Variants in ALDH1L2 observed in about 807,000 individuals in gnomAD.
ALDH1L2 encodes aldehyde dehydrogenase 1 family member L2.
Under a neutral mutation model 111.0 loss-of-function variants are expected in ALDH1L2, and 91 were observed. The ratio of observed to expected loss-of-function variants is 0.82; its 90% confidence interval spans 0.69 to 0.98. The LOEUF (loss-of-function observed/expected upper bound fraction) is 0.98. Among genes scored for constraint, ALDH1L2 ranks in the 50% least tolerant of loss-of-function variants. The pLI is 0.00. For synonymous variants in ALDH1L2, 374 were observed against 392.6 expected (o/e 0.95, Z 0.56); for missense variants, 995 against 1,126.8 (o/e 0.88, Z 1.67).
intron 15 of ALDH1L2, among the ~76,000 whole-genome samples, chr12:105,045,392 G>A (rs1409321866): frequency 6.6e-6 from 1 of 152,036 alleles, no homozygotes; most frequent in East Asian, 1.9e-4. Flanking sequence ...GCCAGTAATT[G>A]AAACTTTATG....
chr12:105,060,347 T>C (rs1417847334), intron 9 of ALDH1L2: 1 of 152,142 alleles, frequency 6.6e-6, no homozygotes, highest in Admixed American at 6.5e-5. Flanking sequence ...TCAATTCTGA[T>C]GTCATATTGG....
intron 21 of ALDH1L2, among the ~76,000 whole-genome samples, chr12:105,027,894 G>A (rs1200261754): frequency 6.6e-6 from 1 of 152,090 alleles, no homozygotes; most frequent in African/African-American, 2.4e-5. Context: ...GGGATTACAT[G>A]TGCTTATTCA....
At chr12:105,027,083 C>G (rs1345215758) in intron 21 of ALDH1L2, among the ~76,000 whole-genome samples, 1 of 152,206 alleles carries the variant, frequency 6.6e-6, no homozygotes, top group Non-Finnish European at 1.5e-5. Context: ...CTGTGTTGCC[C>G]AGGCTGATCT....
At chr12:105,030,852 A>T (rs919923657) in intron 20 of ALDH1L2, among the ~76,000 whole-genome samples, 1 of 152,198 alleles carries the variant, frequency 6.6e-6, no homozygotes, top group African/African-American at 2.4e-5. Flanking sequence ...TTCAGAGTTT[A>T]TATTTTAATT....
intron 22 of ALDH1L2, among the ~76,000 whole-genome samples, chr12:105,026,065 T>C (rs1033058282): frequency 2.0e-5 from 3 of 152,170 alleles, no homozygotes; most frequent in African/African-American, 7.2e-5. Context: ...TTAAGTCTCA[T>C]TGCTCAGACT....
intron 15 of ALDH1L2, among the ~76,000 whole-genome samples, chr12:105,044,234 G>T (rs1592776854): frequency 6.6e-6 from 1 of 152,146 alleles, no homozygotes; most frequent in East Asian, 1.9e-4. Context: ...TGCACTCAAA[G>T]AATGTTTGTA....
chr12:105,021,540 C>T lies in ALDH1L2; in HGVS notation c.*2884G>A. 1 of 151,098 alleles carries T rather than the reference C, an allele frequency of 6.6e-6. No homozygotes were observed. The highest frequency in any genetic ancestry group is 1.5e-5 in the Non-Finnish European group (1 of 68,108). 9.4% of individuals were successfully genotyped at this position (151,098 alleles called of 1,614,324 possible). On this transcript the variant is annotated 3_prime_UTR_variant, in exon 23 of 23. Coordinates refer to ENST00000258494, the MANE Select transcript of ALDH1L2 (RefSeq NM_001034173.4). ...CAGAGGTTGCAGTGAGCCAAGATTG[C>T]ACCACTGCACTGCAGCCTGGGCAAC...
At position 105,066,629 on chromosome 12, in the gene ALDH1L2, C is replaced by T. The variant is rs753041924; in HGVS notation, c.635G>A (p.Arg212His). ...VQLIADGKAPRIPQPEEGATY... is the reference protein window; with the variant it reads ...VQLIADGKAPHIPQPEEGATY... Reference sequence around the variant, plus strand: ...TGCCCCTTCTTCTGGCTGGGGTATACGAGGAGCTTTTCCATCAGCTATGAG... The same window carrying T: ...TGCCCCTTCTTCTGGCTGGGGTATATGAGGAGCTTTTCCATCAGCTATGAG... The change falls in exon 5 of 23, where the codon CGT becomes CAT. Residue 212 changes from arginine (R) to histidine (H), a missense_variant. Arg to His is a conservative substitution (Grantham distance 29, BLOSUM62 0). Coordinates refer to ENST00000258494, the MANE Select transcript of ALDH1L2 (RefSeq NM_001034173.4). 3.5e-5 allele frequency: 57 copies of T among 1,613,994 alleles called. No homozygotes were observed. The highest frequency in any genetic ancestry group is 1.7e-4 in the Admixed American group (10 of 59,990).
At chr12:105,030,295 C>G in intron 21 of ALDH1L2, 29 bp downstream of exon 21, 1 of 1,584,018 alleles carries the variant, frequency 6.3e-7, no homozygotes, top group Non-Finnish European at 8.6e-7. Flanking sequence ...TAGTCAAAAC[C>G]TAAGTTACAT....
intron 6 of ALDH1L2, 64 bp downstream of exon 6, chr12:105,065,203 G>T: frequency 1.9e-6 from 2 of 1,072,764 alleles, no homozygotes; most frequent in South Asian, 1.2e-5. Context: ...AGATTTATCT[G>T]TAATATCTCT....
intron 1 of ALDH1L2, among the ~76,000 whole-genome samples, chr12:105,084,120 T>C (rs1222938879): frequency 6.6e-6 from 1 of 152,052 alleles, no homozygotes; most frequent in African/African-American, 2.4e-5. Context: ...CCAGCCAGAC[T>C]TGACACGTCC....
At position 105,020,342 on chromosome 12, in the gene ALDH1L2, G is replaced by T. The variant is rs1018800342; in HGVS notation, c.*4082C>A. On this transcript the variant is annotated 3_prime_UTR_variant, in exon 23 of 23. Transcript: ENST00000258494. ...TATGTGCCCACAGCTCACTACCTAG[G>T]CCCTGATTTAGGCATTAGGAATAAA... 2.0e-5 allele frequency: 3 copies of T among 152,024 alleles called. No individual in the cohort carries two copies. Among genetic ancestry groups the T allele is most frequent in the Non-Finnish European group, 4.4e-5 (3 of 68,024 alleles). 9.4% of individuals were successfully genotyped at this position (152,024 alleles called of 1,614,324 possible). A position where few individuals can be genotyped will look rare whatever the true frequency, so the allele number is the denominator to read the frequency against.
chr12:105,043,713 CTT>C (rs980822068), intron 15 of ALDH1L2, among the ~76,000 whole-genome samples: 51 of 152,300 alleles, frequency 3.3e-4, no homozygotes, highest in African/African-American at 1.2e-3. Context: ...CATCACAACT[CTT>C]TTCATTTTTA....
Position 105,026,755 on chromosome 12 carries a change from A to G in ALDH1L2, c.2517-11T>C. On this transcript the variant is annotated splice_polypyrimidine_tract_variant and intron_variant, in intron 21 of 22. Coordinates refer to ENST00000258494, the MANE Select transcript of ALDH1L2 (RefSeq NM_001034173.4). ...ACTCCATCGATGTCCCTGTGTTTTT[A>G]GGAAGACATAAAACTTCATTAAATG... is the stretch of plus-strand genomic sequence containing the variant. The G allele has an allele frequency of 6.2e-7, 1 of 1,612,832 alleles. No individual in the cohort carries two copies. The highest frequency in any genetic ancestry group is 8.5e-7 in the Non-Finnish European group (1 of 1,179,672).
intron 15 of ALDH1L2, among the ~76,000 whole-genome samples, chr12:105,046,406 C>T (rs1217818486): frequency 1.3e-5 from 2 of 150,956 alleles, no homozygotes; most frequent in African/African-American, 2.4e-5. Flanking sequence ...AAATAATTCC[C>T]TAATTGTTGG....
Position 105,050,075 on chromosome 12 carries a change from A to G in ALDH1L2, c.1536-17T>C. ...TCTGCAAGTCTGTGTGGTCAGTGAA[A>G]GAAATAAATTCAACAAGTATTGATT... On this transcript the variant is annotated splice_polypyrimidine_tract_variant and intron_variant, in intron 12 of 22. Coordinates refer to ENST00000258494, the MANE Select transcript of ALDH1L2 (RefSeq NM_001034173.4). 1 of 1,566,910 alleles carries G rather than the reference A, an allele frequency of 6.4e-7. No individual in the cohort carries two copies. The highest frequency in any genetic ancestry group is 2.3e-5 in the East Asian group (1 of 44,150).
At chr12:105,065,527 CAA>C (rs1877297199) in intron 5 of ALDH1L2, among the ~76,000 whole-genome samples, 171 bp from the exon 6 acceptor site, 1 of 152,110 alleles carries the variant, frequency 6.6e-6, no homozygotes, top group Non-Finnish European at 1.5e-5. Context: ...ATTTAGTAAA[CAA>C]GAGACTTTAT....
intron 11 of ALDH1L2, 110 bp from the exon 12 acceptor site, chr12:105,052,327 TTATGA>T: frequency 8.5e-7 from 1 of 1,175,228 alleles, no homozygotes; most frequent in Non-Finnish European, 1.1e-6. Context: ...TTAAAAAAAG[TTATGA>T]TAAGAAATGA....
At chr12:105,042,990 A>T (rs190609657) in intron 15 of ALDH1L2, among the ~76,000 whole-genome samples, 128 of 152,352 alleles carry the variant, frequency 8.4e-4, no homozygotes, top group African/African-American at 2.8e-3. Context: ...GAGGTGGGAA[A>T]AGAAAATAGT....
Sources: gnomAD v4.1 joint callset for allele counts (sites outside exome capture counted in the v4.1 genomes callset) on GRCh38, gnomAD v4.1.1 for gene constraint, MANE v1.5 for transcripts, NCBI Gene and HGNC (gene_info 2026-07-23, HGNC 2026-07-21) for gene names.